ZNRF3: variants seen among roughly 807,000 people sequenced by gnomAD.
ZNRF3 encodes zinc and ring finger 3, also known as E3 ubiquitin-protein ligase ZNRF3.
In ZNRF3, 23 loss-of-function variants were observed where a neutral mutation model predicts 72.5. That is an observed-to-expected ratio of 0.32 (90% CI 0.23 to 0.45). The LOEUF (loss-of-function observed/expected upper bound fraction) is 0.45. ZNRF3 is among the 20% of genes least tolerant of loss of function. ZNRF3 has a pLI of 1.00. For synonymous variants in ZNRF3, 610 were observed against 545.3 expected, an observed-to-expected ratio of 1.12 and a Z score of -1.65; for missense variants, 1,169 against 1,272.1, an observed-to-expected ratio of 0.92 and a Z score of 1.23.
At chr22:28,916,919 C>T (rs547650527) in intron 1 of ZNRF3, among the ~76,000 whole-genome samples, 2 of 152,110 alleles carry the variant, frequency 1.3e-5, no homozygotes, top group African/African-American at 4.8e-5. Context: ...TTGACTATAC[C>T]GCCCAGGATT....
intron 1 of ZNRF3, among the ~76,000 whole-genome samples, chr22:28,907,564 T>G (rs1195594670): frequency 6.6e-6 from 1 of 152,150 alleles, no homozygotes; most frequent in Non-Finnish European, 1.5e-5. Flanking sequence ...CCATGGGGAT[T>G]TGTTGATAAG....
chr22:29,004,733 G>A (rs990092988), intron 2 of ZNRF3, among the ~76,000 whole-genome samples: 3 of 152,184 alleles, frequency 2.0e-5, no homozygotes, highest in African/African-American at 7.2e-5. Flanking sequence ...GGTGGGTGGA[G>A]GAGGGAGGAG....
At chr22:29,047,329 A>G (rs939204047) in intron 6 of ZNRF3, among the ~76,000 whole-genome samples, 1 of 152,240 alleles carries the variant, frequency 6.6e-6, no homozygotes, top group Non-Finnish European at 1.5e-5. Flanking sequence ...AGAATCATCC[A>G]TGATGAACAT....
intron 1 of ZNRF3, among the ~76,000 whole-genome samples, chr22:28,940,236 A>G (rs2034916486): frequency 1.3e-5 from 2 of 152,226 alleles, no homozygotes; most frequent in African/African-American, 4.8e-5. Context: ...TTTTGGTTGA[A>G]GACAAGGCTA....
chr22:28,996,341 C>T (rs1158594107), intron 2 of ZNRF3, among the ~76,000 whole-genome samples: 1 of 152,226 alleles, frequency 6.6e-6, no homozygotes, highest in African/African-American at 2.4e-5. Context: ...GTAGTGACTT[C>T]ATCACTCTGA....
At chr22:29,005,788 C>G (rs1160724037) in intron 2 of ZNRF3, among the ~76,000 whole-genome samples, 1 of 152,144 alleles carries the variant, frequency 6.6e-6, no homozygotes, top group African/African-American at 2.4e-5. Context: ...TAAAAGGTGA[C>G]TGTCAGGCCA....
chr22:28,957,196 G>T (rs941767809), intron 1 of ZNRF3, among the ~76,000 whole-genome samples: 2 of 152,142 alleles, frequency 1.3e-5, no homozygotes, highest in African/African-American at 2.4e-5. Context: ...AAGGGCTTTT[G>T]TAGTCCTGAG....
chr22:29,054,965 T>G lies in ZNRF3; in HGVS notation c.*1343T>G, dbSNP rs1164256127. The G allele has an allele frequency of 6.5e-6, 1 of 152,776 alleles. No individual in the cohort carries two copies. Among genetic ancestry groups the G allele is most frequent in the East Asian group, 1.9e-4 (1 of 5,200 alleles). The allele number at this position is 152,776 out of a possible 1,614,324, so 9.5% of individuals were successfully genotyped here. On this transcript the variant is annotated 3_prime_UTR_variant, in exon 9 of 9. Transcript: ENST00000544604. ...GTCTACCTAATGCACTATTATGTAT[T>G]GATTCTCCATGAGACAGAGAGAGAG...
At chr22:28,919,321 C>T (rs2034467920) in intron 1 of ZNRF3, among the ~76,000 whole-genome samples, 1 of 152,190 alleles carries the variant, frequency 6.6e-6, no homozygotes, top group Admixed American at 6.5e-5. Context: ...TACCATAGAG[C>T]TAACATTTAT....
At chr22:28,984,882 C>T (rs2035826892) in intron 1 of ZNRF3, among the ~76,000 whole-genome samples, 1 of 152,188 alleles carries the variant, frequency 6.6e-6, no homozygotes, top group Non-Finnish European at 1.5e-5. Context: ...CTCCATTGGC[C>T]CTTCAGGCAA....
At chr22:29,027,551 C>G (rs913564654) in intron 2 of ZNRF3, among the ~76,000 whole-genome samples, 12 of 152,128 alleles carry the variant, frequency 7.9e-5, no homozygotes, top group African/African-American at 2.7e-4. Context: ...GCCTGGCCCC[C>G]TCTATTATTT....
At chr22:28,971,018 C>T (rs1452362226) in intron 1 of ZNRF3, among the ~76,000 whole-genome samples, 5 of 152,046 alleles carry the variant, frequency 3.3e-5, no homozygotes, top group Non-Finnish European at 7.4e-5. Flanking sequence ...TATATAAACA[C>T]CTCAATTAAG....
chr22:28,891,260 C>T (rs2033880275), intron 1 of ZNRF3, among the ~76,000 whole-genome samples: 1 of 152,204 alleles, frequency 6.6e-6, no homozygotes, highest in South Asian at 2.1e-4. Context: ...TCCCCTGACT[C>T]CCAGGCTTGG....
intron 1 of ZNRF3, among the ~76,000 whole-genome samples, chr22:28,897,690 C>T (rs550431555): frequency 8.5e-5 from 13 of 152,342 alleles, no homozygotes; most frequent in Admixed American, 2.6e-4. Flanking sequence ...CCCGTCTTTG[C>T]TTTCCACTGT....
At chr22:29,046,925 G>A (rs746527372) in intron 6 of ZNRF3, 42 bp downstream of exon 6, 5 of 1,474,418 alleles carry the variant, frequency 3.4e-6, no homozygotes, top group Non-Finnish European at 4.5e-6. Flanking sequence ...GGAAAACATA[G>A]GCAGGTCAGC....
At chr22:29,043,483 G>A (rs562649655) in intron 4 of ZNRF3, 53 bp downstream of exon 4, 1 of 1,598,988 alleles carries the variant, frequency 6.3e-7, no homozygotes, top group East Asian at 2.2e-5. Flanking sequence ...GCTACTACCT[G>A]TCCCTTTATT....
chr22:28,979,599 G>A (rs2035730620), intron 1 of ZNRF3, among the ~76,000 whole-genome samples: 1 of 152,222 alleles, frequency 6.6e-6, no homozygotes, highest in South Asian at 2.1e-4. Context: ...GTCTTTCAAA[G>A]TTCATGCAGC....
rs201290663 is a variant in ZNRF3, at chr22:29,025,564, C to CTT, written c.427-16920_427-16919dup. On this transcript the variant is annotated intron_variant, in intron 2 of 8. Transcript: ENST00000544604. ...GGTCTAGTTCCATTTCTCTTTCTTTCTTTTTTTTTTTTGAGACGGAGTCTT... is the reference window on the plus strand; with the variant it reads ...GGTCTAGTTCCATTTCTCTTTCTTTCTTTTTTTTTTTTTTGAGACGGAGTCTT... 1,382 of 147,420 alleles carry CTT rather than the reference C, an allele frequency of 9.4e-3. 16 individuals are homozygous for CTT. Among genetic ancestry groups the CTT allele is most frequent in the Non-Finnish European group, 0.011 (765 of 66,808 alleles). 9.1% of individuals were successfully genotyped at this position (147,420 alleles called of 1,614,324 possible).
Position 28,883,674 on chromosome 22 carries a change from G to A in ZNRF3, c.-93G>A, listed in dbSNP as rs1438880281. ...AAGCCGCCGCCGCCGCCGCCGTGAT[G>A]GGGCTGTGAGGCGTCCGCCCGCGTT... is the stretch of plus-strand genomic sequence containing the variant. On this transcript the variant is annotated 5_prime_UTR_variant, in exon 1 of 9. An upstream start codon of the reference 5' UTR is lost. Coordinates refer to ENST00000544604, the MANE Select transcript of ZNRF3 (RefSeq NM_001206998.2). This position sits in a 1 kb window ranked among gnomAD's most constrained non-coding sequence, Gnocchi z 5.5. 14 of 952,020 alleles carry A rather than the reference G, an allele frequency of 1.5e-5. No individual in the cohort carries two copies. Among genetic ancestry groups the A allele is most frequent in the Non-Finnish European group, 1.1e-5 (9 of 800,832 alleles). 59.0% of individuals were successfully genotyped at this position (952,020 alleles called of 1,614,324 possible). A position where few individuals can be genotyped will look rare whatever the true frequency, so the allele number is the denominator to read the frequency against.
Sources: allele counts gnomAD v4.1 joint callset (sites outside exome capture counted in the v4.1 genomes callset), GRCh38; gene constraint gnomAD v4.1.1; non-coding constraint Gnocchi (gnomAD v3.1); transcripts MANE v1.5; gene names NCBI Gene and HGNC (gene_info 2026-07-23, HGNC 2026-07-21).